Variants in CAMKMT observed in about 807,000 individuals in gnomAD.
CAMKMT encodes the protein calmodulin-lysine N-methyltransferase, also known as CaM KMT.
Under a neutral mutation model 48.0 loss-of-function variants are expected in CAMKMT, and 53 were observed. That is an observed-to-expected ratio of 1.10 (90% CI 0.89 to 1.39). The LOEUF is 1.39. Ranked by LOEUF, CAMKMT falls within the 40% of genes most tolerant of loss-of-function variation. CAMKMT has a pLI of 0.00. For synonymous variants in CAMKMT, 165 were observed against 152.3 expected (o/e 1.08, Z -0.61); for missense variants, 428 against 402.7 (o/e 1.06, Z -0.54).
chr2:44,512,469 T>C (rs1037773530), intron 3 of CAMKMT, among the ~76,000 whole-genome samples: 6 of 152,230 alleles, frequency 3.9e-5, no homozygotes, highest in African/African-American at 1.4e-4. Flanking sequence ...AAAATTGTAC[T>C]TTCATTTATC....
chr2:44,527,368 TATAC>T (rs1468889722), intron 3 of CAMKMT, among the ~76,000 whole-genome samples: 6 of 143,960 alleles, frequency 4.2e-5, no homozygotes, highest in Middle Eastern at 3.3e-3. Context: ...TATATACGTA[TATAC>T]ATACATATAA....
intron 3 of CAMKMT, among the ~76,000 whole-genome samples, chr2:44,616,736 C>G (rs1671912496): frequency 6.6e-6 from 1 of 152,132 alleles, no homozygotes; most frequent in Non-Finnish European, 1.5e-5. Context: ...ATTAGGTTGG[C>G]CTTTCTGAAC....
intron 3 of CAMKMT, among the ~76,000 whole-genome samples, chr2:44,446,767 C>A (rs780401373): frequency 3.3e-5 from 5 of 152,326 alleles, no homozygotes; most frequent in Middle Eastern, 6.8e-3. Context: ...TCAAAGCAGG[C>A]ATCTCAGTCC....
intron 3 of CAMKMT, among the ~76,000 whole-genome samples, chr2:44,638,859 G>T (rs1673292006): frequency 1.3e-5 from 2 of 152,190 alleles, no homozygotes; most frequent in African/African-American, 4.8e-5. Flanking sequence ...GCCTTGGACT[G>T]CCAGTTTTGC....
At chr2:44,706,630 C>G (rs1237034341) in intron 5 of CAMKMT, among the ~76,000 whole-genome samples, 1 of 126,164 alleles carries the variant, frequency 7.9e-6, no homozygotes, top group African/African-American at 3.0e-5. Flanking sequence ...TTTTTTTTTT[C>G]AGATTATAGT....
Position 44,537,763 on chromosome 2 carries a change from A to G in CAMKMT, c.376+147458A>G, listed in dbSNP as rs1278475763. 2.6e-5 allele frequency among the ~76,000 whole-genome samples: 4 copies of G among 152,262 alleles called. 1 individual carries two copies. The highest frequency in any genetic ancestry group is 4.1e-4 in the South Asian group (2 of 4,824). Reference sequence around the variant, plus strand: ...TATTTTGTAGAAACAGAGTCTTGCAATGTTGTCCTGGCTGTTCTTGAACTA... The same window carrying G: ...TATTTTGTAGAAACAGAGTCTTGCAGTGTTGTCCTGGCTGTTCTTGAACTA... On this transcript the variant is annotated intron_variant, in intron 3 of 10. Coordinates refer to ENST00000378494, the MANE Select transcript of CAMKMT (RefSeq NM_024766.5).
intron 3 of CAMKMT, among the ~76,000 whole-genome samples, chr2:44,625,714 A>AT (rs989383551): frequency 1.3e-5 from 2 of 151,960 alleles, no homozygotes; most frequent in South Asian, 2.1e-4. Flanking sequence ...GTCGAGGTTC[A>AT]TTTTTTTTCC....
At chr2:44,559,585 T>A (rs1668215178) in intron 3 of CAMKMT, among the ~76,000 whole-genome samples, 1 of 152,148 alleles carries the variant, frequency 6.6e-6, no homozygotes, top group Non-Finnish European at 1.5e-5. Flanking sequence ...TTTTTCACCC[T>A]CTTCTCTACC....
chr2:44,598,039 C>T (rs2103846046), intron 3 of CAMKMT, among the ~76,000 whole-genome samples: 1 of 151,452 alleles, frequency 6.6e-6, no homozygotes, highest in East Asian at 1.9e-4. Context: ...CCAGCCTATG[C>T]TTCCTTATTA....
chr2:44,666,151 C>G (rs751195746), intron 3 of CAMKMT, among the ~76,000 whole-genome samples: 3 of 152,028 alleles, frequency 2.0e-5, no homozygotes, highest in Non-Finnish European at 4.4e-5. Flanking sequence ...AAGAGATTTA[C>G]ATTTATAACT....
chr2:44,707,082 G>T (rs1424821118), intron 5 of CAMKMT, among the ~76,000 whole-genome samples: 1 of 151,860 alleles, frequency 6.6e-6, no homozygotes, highest in Non-Finnish European at 1.5e-5. Flanking sequence ...CAGAGTGACA[G>T]CCTTGTATGA....
At chr2:44,699,432 C>G (rs1362594568) in intron 3 of CAMKMT, among the ~76,000 whole-genome samples, 1 of 152,156 alleles carries the variant, frequency 6.6e-6, no homozygotes, top group Non-Finnish European at 1.5e-5. Context: ...TGTCAATGAG[C>G]AGTATATAAT....
chr2:44,537,257 CTA>C (rs1666825646), intron 3 of CAMKMT, among the ~76,000 whole-genome samples: 1 of 152,124 alleles, frequency 6.6e-6, no homozygotes, highest in Non-Finnish European at 1.5e-5. Flanking sequence ...TATTTGCAAA[CTA>C]TTTATCTGAC....
In CAMKMT at chr2:44,643,727, C is replaced by G. The variant is rs575098351; in HGVS notation, c.377-60556C>G. ...ATTGTATTTAAAAGTGACCATTAGC[C>G]TTTCTGGTGTGACTCAGAAATGTTT... On this transcript the variant is annotated intron_variant, in intron 3 of 10. Coordinates refer to ENST00000378494, the MANE Select transcript of CAMKMT (RefSeq NM_024766.5). Among the ~76,000 whole-genome samples the G allele has an allele frequency of 3.5e-3, 537 of 152,194 alleles. 1 individual carries two copies. Among genetic ancestry groups the G allele is most frequent in the African/African-American group, 0.012 (492 of 41,530 alleles).
At chr2:44,740,592 C>T (rs1219465209) in intron 7 of CAMKMT, among the ~76,000 whole-genome samples, 1 of 152,052 alleles carries the variant, frequency 6.6e-6, no homozygotes, top group East Asian at 1.9e-4. Flanking sequence ...GTATAACTGC[C>T]AGATGTCATT....
At chr2:44,615,309 G>C (rs2103911547) in intron 3 of CAMKMT, among the ~76,000 whole-genome samples, 1 of 152,252 alleles carries the variant, frequency 6.6e-6, no homozygotes, top group Middle Eastern at 3.4e-3. Context: ...GAATGAATTA[G>C]AAAGATGTAA....
intron 3 of CAMKMT, among the ~76,000 whole-genome samples, chr2:44,594,709 C>G (rs1670545778): frequency 6.6e-6 from 1 of 152,172 alleles, no homozygotes; most frequent in African/African-American, 2.4e-5. Flanking sequence ...CATAAAAACC[C>G]TAGAAGAAAA....
chr2:44,438,896 A>G (rs1268066832), intron 3 of CAMKMT, among the ~76,000 whole-genome samples: 1 of 151,760 alleles, frequency 6.6e-6, no homozygotes, highest in East Asian at 1.9e-4. Context: ...TGCCCCTCCT[A>G]CTGGGAAAAT....
intron 7 of CAMKMT, among the ~76,000 whole-genome samples, chr2:44,740,462 G>T (rs1054633507): frequency 2.0e-5 from 3 of 152,132 alleles, no homozygotes; most frequent in African/African-American, 7.2e-5. Flanking sequence ...AAAGCAAGAA[G>T]CAGGGTCATC....
Sources: allele counts gnomAD v4.1 joint callset (sites outside exome capture counted in the v4.1 genomes callset), GRCh38; gene constraint gnomAD v4.1.1; transcripts MANE v1.5; gene names NCBI Gene and HGNC (gene_info 2026-07-23, HGNC 2026-07-21).